The following QRICH1 variants were observed in gnomAD, a reference collection of about 807,000 sequenced individuals.
QRICH1 encodes transcriptional regulator QRICH1.
In QRICH1, 16 loss-of-function variants were observed where a neutral mutation model predicts 87.1. The ratio of observed to expected loss-of-function variants is 0.18; its 90% CI spans 0.12 to 0.28. The LOEUF is 0.28. Among genes scored for constraint, QRICH1 ranks in the 10% least tolerant of loss-of-function variants. The pLI, the probability that QRICH1 is intolerant of heterozygous loss-of-function variation, is 1.00. For missense variants in QRICH1, 647 were observed against 951.7 expected (o/e 0.68, Z 4.21); for synonymous variants, 367 against 368.4 (o/e 1.00, Z 0.05).
chr3:49,057,741 G>C lies in QRICH1; in HGVS notation c.459C>G (p.Thr153=), dbSNP rs2093411443. The C allele has an allele frequency of 6.2e-7, 1 of 1,614,052 alleles. No homozygotes were observed. Among genetic ancestry groups the C allele is most frequent in the African/African-American group, 1.3e-5 (1 of 74,918 alleles). ...APQSAAPSIQ[T]PSLQSPSPSQ... ...AGGGACTGGGACTCTGCAGAGACGG[G>C]GTCTGAATGGAGGGGGCTGCTGACT... is the stretch of plus-strand genomic sequence containing the variant. The change falls in exon 3 of 10, where the codon ACC becomes ACG. Residue 153 remains threonine, a synonymous_variant. Transcript: ENST00000395443. This position sits in a 1 kb window ranked among gnomAD's most constrained non-coding sequence, Gnocchi z 5.4.
intron 2 of QRICH1, among the ~76,000 whole-genome samples, chr3:49,063,462 G>A (rs887241620): frequency 6.6e-6 from 1 of 152,158 alleles, no homozygotes; most frequent in African/African-American, 2.4e-5. Flanking sequence ...GCCAATTACT[G>A]CAGAACAGCA....
At chr3:49,064,034 G>A (rs1432644609) in intron 2 of QRICH1, among the ~76,000 whole-genome samples, 3 of 151,754 alleles carry the variant, frequency 2.0e-5, no homozygotes, top group East Asian at 3.9e-4. Context: ...AGCCTCCTGA[G>A]TGGCTGGGAT....
chr3:49,032,233 C>G lies in QRICH1; in HGVS notation c.2088G>C (p.Glu696Asp). 1 of 1,614,004 alleles carries G rather than the reference C, an allele frequency of 6.2e-7. No individual in the cohort carries two copies. The highest frequency in any genetic ancestry group is 8.5e-7 in the Non-Finnish European group (1 of 1,179,862). The change falls in exon 9 of 10, where the codon GAG becomes GAC. Residue 696 changes from glutamate to aspartate, a missense_variant. By Grantham distance (45) the Glu-to-Asp change is conservative. This residue lies in a region of QRICH1 where 187 missense variants were observed against 309.5 expected (regional missense o/e 0.60). Transcript: ENST00000395443. ...DMYAEQTENP[E>D]NPLRCPIKLY... is the part of the protein sequence containing the mutation. The stretch of plus-strand genomic sequence containing the variant: ...GCTTGATGGGACATCTCAATGGATT[C>G]TCTGGATTTTCCGTCTGTTCTGCAT...
chr3:49,039,729 TA>T (rs1357808252), intron 6 of QRICH1, among the ~76,000 whole-genome samples: 4 of 107,684 alleles, frequency 3.7e-5, no homozygotes, highest in Non-Finnish European at 8.0e-5. Context: ...ATGGAAAAAA[TA>T]AACTTAAAAA....
At chr3:49,038,497 C>T (rs547417634) in intron 6 of QRICH1, among the ~76,000 whole-genome samples, 1 of 151,748 alleles carries the variant, frequency 6.6e-6, no homozygotes, top group African/African-American at 2.4e-5. Context: ...ACTGCAAACC[C>T]CGCCTCTCCT....
intron 5 of QRICH1, among the ~76,000 whole-genome samples, chr3:49,045,637 T>C (rs1384021228): frequency 6.6e-6 from 1 of 151,882 alleles, no homozygotes. Flanking sequence ...TCTCACTCTG[T>C]CACCCAGGCT....
chr3:49,057,708 C>T lies in QRICH1; in HGVS notation c.492G>A (p.Leu164=), dbSNP rs2093411091. 6.2e-7 allele frequency: 1 copy of T among 1,614,184 alleles called. No individual in the cohort carries two copies. Residue 164 remains leucine (L), a synonymous_variant, in exon 3 of 10, where the codon CTG becomes CTA. Coordinates refer to ENST00000395443, the MANE Select transcript of QRICH1 (RefSeq NM_198880.3). This position sits in a 1 kb window ranked among gnomAD's most constrained non-coding sequence, Gnocchi z 5.4. ...GCTGCACCTGGATCTGAGCTGCTTG[C>T]AGCTGCGAGGGACTGGGACTCTGCA... ...PSLQSPSPSQ[L]QAAQIQVQHV... is the part of the protein sequence containing the mutation.
At chr3:49,043,211 T>C (rs1483718175) in intron 6 of QRICH1, among the ~76,000 whole-genome samples, 1 of 152,056 alleles carries the variant, frequency 6.6e-6, no homozygotes, top group African/African-American at 2.4e-5. Flanking sequence ...ACATAAAGTC[T>C]ATTGGCTGGC....
At chr3:49,079,449 T>C (rs2042015349) in intron 1 of QRICH1, among the ~76,000 whole-genome samples, 1 of 147,792 alleles carries the variant, frequency 6.8e-6, no homozygotes, top group South Asian at 2.1e-4. Flanking sequence ...TAATTACAAT[T>C]ATGTAATATA....
upstream of QRICH1, chr3:49,094,171 A>G (rs1433320098): frequency 2.5e-6 from 1 of 394,432 alleles, no homozygotes; most frequent in Non-Finnish European, 4.5e-6. Flanking sequence ...CAGCAGGGGA[A>G]GGTGGCCGCG....
At chr3:49,074,355 G>C in intron 2 of QRICH1, among the ~76,000 whole-genome samples, 1 of 151,952 alleles carries the variant, frequency 6.6e-6, no homozygotes, top group Non-Finnish European at 1.5e-5. Context: ...GGCGGATCAT[G>C]AGGTCAGGAG....
At chr3:49,033,272 G>T in intron 6 of QRICH1, 44 bp from the exon 7 acceptor site, 4 of 1,285,622 alleles carry the variant, frequency 3.1e-6, no homozygotes, top group Non-Finnish European at 4.2e-6. Context: ...ATGGCAGGTG[G>T]TCTCTCAAAG....
intron 2 of QRICH1, among the ~76,000 whole-genome samples, chr3:49,075,159 A>C (rs941947278): frequency 3.0e-4 from 43 of 142,420 alleles, no homozygotes; most frequent in African/African-American, 1.1e-3. Context: ...ATATCTCTAC[A>C]AAAAAAAAAA....
At chr3:49,079,883 G>A (rs2042024786) in intron 1 of QRICH1, among the ~76,000 whole-genome samples, 1 of 152,114 alleles carries the variant, frequency 6.6e-6, no homozygotes, top group Non-Finnish European at 1.5e-5. Flanking sequence ...ACAAAAATTA[G>A]CCAGGCATGG....
At chr3:49,072,057 G>A (rs995497515) in intron 2 of QRICH1, among the ~76,000 whole-genome samples, 19 of 152,092 alleles carry the variant, frequency 1.2e-4, no homozygotes, top group Non-Finnish European at 2.4e-4. Flanking sequence ...AAGGCTGGGC[G>A]TGGTGGCTCA....
Position 49,057,332 on chromosome 3 carries a change from C to T in QRICH1, c.868G>A (p.Asp290Asn), listed in dbSNP as rs200937663. The T allele has an allele frequency of 6.2e-7, 1 of 1,614,228 alleles. No homozygotes were observed. The highest frequency in any genetic ancestry group is 2.2e-5 in the East Asian group (1 of 44,882). ...GTGGCACTGTACAGGTGGGCACTGT[C>T]TACTGTCAGTAAGTCTGGCCTCAAA... ...VSLRPDLLTVDSAHLYSATGT... is the reference protein window; with the variant it reads ...VSLRPDLLTVNSAHLYSATGT... Residue 290 changes from aspartate (D) to asparagine (N), a missense_variant, in exon 3 of 10, where the codon GAC (aspartate) becomes AAC (asparagine). By Grantham distance (23) the Asp-to-Asn change is conservative. Transcript: ENST00000395443. This position sits in a 1 kb window ranked among gnomAD's most constrained non-coding sequence, Gnocchi z 5.4.
intron 1 of QRICH1, among the ~76,000 whole-genome samples, chr3:49,087,983 A>C (rs1171190582): frequency 6.8e-6 from 1 of 146,666 alleles, no homozygotes; most frequent in Non-Finnish European, 1.5e-5. Context: ...ACAGAGTCTC[A>C]CTCTGTCACC....
chr3:49,081,486 T>C (rs1241230963), intron 1 of QRICH1, among the ~76,000 whole-genome samples: 2 of 152,030 alleles, frequency 1.3e-5, no homozygotes, highest in Non-Finnish European at 2.9e-5. Flanking sequence ...AAATTAAAGT[T>C]CCACACCCCT....
intron 3 of QRICH1, among the ~76,000 whole-genome samples, chr3:49,051,904 G>A (rs1435582736): frequency 2.6e-5 from 4 of 152,196 alleles, no homozygotes; most frequent in African/African-American, 4.8e-5. Context: ...TCTTCCAAAC[G>A]TGTCCAAATG....
Sources: allele counts gnomAD v4.1 joint callset (sites outside exome capture counted in the v4.1 genomes callset), GRCh38; gene constraint gnomAD v4.1.1; regional missense constraint gnomAD v4.1.1; non-coding constraint Gnocchi (gnomAD v3.1); transcripts MANE v1.5; gene names NCBI Gene and HGNC (gene_info 2026-07-23, HGNC 2026-07-21).